DAPK1: variants seen among roughly 807,000 people sequenced by gnomAD.
DAPK1 encodes death-associated protein kinase 1.
In DAPK1, 56 loss-of-function variants were observed where a neutral mutation model predicts 144.9. That is an observed-to-expected ratio of 0.39 (90% CI 0.31 to 0.48). The LOEUF (loss-of-function observed/expected upper bound fraction) is 0.48. DAPK1 is among the 20% of genes least tolerant of loss of function. The pLI, the probability that DAPK1 is intolerant of heterozygous loss-of-function variation, is 0.95. For missense variants in DAPK1, 1,454 were observed against 1,875.4 expected (o/e 0.78, Z 4.15); for synonymous variants, 690 against 749.0 (o/e 0.92, Z 1.29).
intron 3 of DAPK1, among the ~76,000 whole-genome samples, chr9:87,609,063 G>T (rs36207729): frequency 6.6e-6 from 1 of 152,180 alleles, no homozygotes; most frequent in African/African-American, 2.4e-5. Context: ...GTCAATCTGC[G>T]GGAGGCCCGA....
At chr9:87,651,149 C>G (rs1554697624) in intron 16 of DAPK1, among the ~76,000 whole-genome samples, 1 of 152,212 alleles carries the variant, frequency 6.6e-6, no homozygotes, top group Non-Finnish European at 1.5e-5. Flanking sequence ...AAATAATAGG[C>G]TCTCTATTTA....
At chr9:87,559,003 C>T (rs1050580182) in intron 2 of DAPK1, among the ~76,000 whole-genome samples, 5 of 152,154 alleles carry the variant, frequency 3.3e-5, no homozygotes, top group Non-Finnish European at 7.3e-5. Flanking sequence ...CATGGTCTCT[C>T]TCTGTAAGAA....
Position 87,706,304 on chromosome 9 carries a change from T to C in DAPK1, c.3233T>C (p.Val1078Ala), listed in dbSNP as rs1825633046. The change falls in exon 26 of 26, where the codon GTG (valine) becomes GCG (alanine). Residue 1078 changes from valine (V) to alanine (A), a missense_variant. Transcript: ENST00000408954. The surrounding 1 kb of genome is among the most constrained non-coding windows in gnomAD (Gnocchi z 9.0). ...DIQRLVPDSD[V>A]EELLQILDAM... ...CAGCGCCTGGTGCCCGACAGCGACG[T>C]GGAGGAGCTGCTGCAGATCCTCGAT... 4.3e-6 allele frequency: 7 copies of C among 1,610,846 alleles called. No individual in the cohort carries two copies. The highest frequency in any genetic ancestry group is 5.9e-6 in the Non-Finnish European group (7 of 1,178,258).
intron 3 of DAPK1, among the ~76,000 whole-genome samples, chr9:87,634,563 C>T (rs1829820836): frequency 6.6e-6 from 1 of 152,094 alleles, no homozygotes; most frequent in South Asian, 2.1e-4. Flanking sequence ...TGGGGCCTGC[C>T]CAGATTCAAG....
chr9:87,542,969 A>G (rs1475024688), intron 2 of DAPK1, among the ~76,000 whole-genome samples: 1 of 152,224 alleles, frequency 6.6e-6, no homozygotes, highest in African/African-American at 2.4e-5. Flanking sequence ...ACCATTAATT[A>G]GCGTACTATA....
chr9:87,624,366 A>G (rs1454892517), intron 3 of DAPK1, among the ~76,000 whole-genome samples: 1 of 152,202 alleles, frequency 6.6e-6, no homozygotes, highest in African/African-American at 2.4e-5. Context: ...CTCCCACAGC[A>G]TGGCAGCTGA....
rs151250589 is a variant in DAPK1 at position 87,517,358 on chromosome 9, A to G, written c.62+18219A>G. ...CCTCTGAAGGCATTCCTGAGACTCAAGCAGTGTCCTCCTTTTGCAAACTCC... is the reference window on the plus strand; with the variant it reads ...CCTCTGAAGGCATTCCTGAGACTCAGGCAGTGTCCTCCTTTTGCAAACTCC... On this transcript the variant is annotated intron_variant, in intron 2 of 25. Transcript: ENST00000408954. Among the ~76,000 whole-genome samples, 152 of 152,016 alleles carry G rather than the reference A, an allele frequency of 1.0e-3. 1 individual carries two copies. The highest frequency in any genetic ancestry group is 3.5e-3 in the African/African-American group (146 of 41,434).
At chr9:87,586,077 CAGAAGTGTG>C (rs1406973398) in intron 2 of DAPK1, among the ~76,000 whole-genome samples, 2 of 152,120 alleles carry the variant, frequency 1.3e-5, no homozygotes, top group African/African-American at 4.8e-5. Flanking sequence ...CACTTGAACC[CAGAAGTGTG>C]AGACCAGCTT....
chr9:87,522,745 C>T (rs1024125060), intron 2 of DAPK1, among the ~76,000 whole-genome samples: 2 of 152,220 alleles, frequency 1.3e-5, no homozygotes, highest in African/African-American at 2.4e-5. Flanking sequence ...CAGTTTTCAG[C>T]CCAACTACAA....
At chr9:87,636,951 C>T (rs977263365) in intron 3 of DAPK1, among the ~76,000 whole-genome samples, 15 of 151,928 alleles carry the variant, frequency 9.9e-5, no homozygotes, top group East Asian at 3.9e-4. Flanking sequence ...CTGGCTCTGG[C>T]GGGGAGTGGG....
chr9:87,697,629 G>A (rs1825305992), intron 22 of DAPK1, among the ~76,000 whole-genome samples: 1 of 152,184 alleles, frequency 6.6e-6, no homozygotes, highest in Non-Finnish European at 1.5e-5. Flanking sequence ...AGCAGAATGA[G>A]CAGTTCTTCA....
chr9:87,518,713 G>A (rs1825177488), intron 2 of DAPK1, among the ~76,000 whole-genome samples: 1 of 152,064 alleles, frequency 6.6e-6, no homozygotes, highest in Non-Finnish European at 1.5e-5. Flanking sequence ...TGTATCTGTG[G>A]AGTAGCGTAG....
Position 87,647,400 on chromosome 9 carries a change from C to G in DAPK1, c.1326C>G (p.Asp442Glu), listed in dbSNP as rs778221520. The change falls in exon 14 of 26, where the codon GAC (aspartate) becomes GAG (glutamate). Residue 442 changes from aspartate (D) to glutamate (E), a missense_variant. By Grantham distance (45) the Asp-to-Glu change is conservative. This residue lies in a region of DAPK1 where 429 missense variants were observed against 637.5 expected (regional missense o/e 0.67). Coordinates refer to ENST00000408954, the MANE Select transcript of DAPK1 (RefSeq NM_004938.4). ...ACAAATGCCCTTTGGATGTGAAAGA[C>G]AAGGTAAGGCCACTTCTCTTAGGAG... ...SENKCPLDVK[D>E]KSGEMALHVA... The G allele has an allele frequency of 6.2e-7, 1 of 1,613,558 alleles. No homozygotes were observed. Among genetic ancestry groups the G allele is most frequent in the Non-Finnish European group, 8.5e-7 (1 of 1,179,504 alleles).
At chr9:87,584,387 T>C (rs1279355158) in intron 2 of DAPK1, among the ~76,000 whole-genome samples, 2 of 152,248 alleles carry the variant, frequency 1.3e-5, no homozygotes, top group Non-Finnish European at 2.9e-5. Flanking sequence ...ATATCTTGGC[T>C]GTTGTGAATA....
chr9:87,543,335 G>A (rs994088535), intron 2 of DAPK1, among the ~76,000 whole-genome samples: 6 of 152,194 alleles, frequency 3.9e-5, no homozygotes, highest in Admixed American at 3.9e-4. Flanking sequence ...CTATGTCTGA[G>A]TTTCAGTGCT....
At chr9:87,636,404 T>C (rs573569844) in intron 3 of DAPK1, among the ~76,000 whole-genome samples, 1 of 152,276 alleles carries the variant, frequency 6.6e-6, no homozygotes, top group South Asian at 2.1e-4. Flanking sequence ...AGCAGGAGCG[T>C]GGAATTAAGA....
At position 87,620,208 on chromosome 9, in the gene DAPK1, G is replaced by A. The variant is rs540191021; in HGVS notation, c.284+15033G>A. On this transcript the variant is annotated intron_variant, in intron 3 of 25. Transcript: ENST00000408954. Reference sequence around the variant, plus strand: ...CCGCTCGTGCCCCTCCTTGGTCTCTGATTCCCTCTCCTCTCAGGGCCAGGT... The same window carrying A: ...CCGCTCGTGCCCCTCCTTGGTCTCTAATTCCCTCTCCTCTCAGGGCCAGGT... 2.3e-4 allele frequency among the ~76,000 whole-genome samples: 35 copies of A among 152,266 alleles called. No individual in the cohort carries two copies. The East Asian group carries it at 5.0e-3, about 22-fold the overall frequency.
At position 87,669,343 on chromosome 9, in the gene DAPK1, T is replaced by TG. The variant is rs10577481; in HGVS notation, c.2001+678dup. On this transcript the variant is annotated intron_variant, in intron 19 of 25. Transcript: ENST00000408954. Reference sequence around the variant, plus strand: ...ACTAATAGGAGTTTATTGCTTGGGGTGGGGGGGGGTCACTGGGCTTCAAAG... The same window carrying TG: ...ACTAATAGGAGTTTATTGCTTGGGGTGGGGGGGGGGTCACTGGGCTTCAAAG... Among the ~76,000 whole-genome samples the TG allele has an allele frequency of 2.8e-3, 390 of 140,832 alleles. 1 individual carries two copies. Among genetic ancestry groups the TG allele is most frequent in the South Asian group, 0.02 (83 of 4,238 alleles). 92.4% of individuals were successfully genotyped at this position (140,832 alleles called of 152,430 possible). A position where few individuals can be genotyped will look rare whatever the true frequency, so the allele number is the denominator to read the frequency against.
chr9:87,625,816 G>A (rs891826839), intron 3 of DAPK1, among the ~76,000 whole-genome samples: 2 of 152,178 alleles, frequency 1.3e-5, no homozygotes, highest in East Asian at 1.9e-4. Context: ...TAAAACATCC[G>A]TTTAACAAAA....
Sources: allele counts gnomAD v4.1 joint callset (sites outside exome capture counted in the v4.1 genomes callset), GRCh38; gene constraint gnomAD v4.1.1; regional missense constraint gnomAD v4.1.1; non-coding constraint Gnocchi (gnomAD v3.1); transcripts MANE v1.5; gene names NCBI Gene and HGNC (gene_info 2026-07-23, HGNC 2026-07-21).